The following NRXN1 variants were observed in gnomAD, a reference collection of about 807,000 sequenced individuals.
NRXN1 encodes the protein neurexin-1.
NRXN1 carries 39 observed loss-of-function variants against 150.9 expected under a neutral mutation model. That is an observed-to-expected ratio of 0.26 (90% CI 0.20 to 0.34). NRXN1 has a LOEUF of 0.34. Ranked by LOEUF, NRXN1 falls within the 10% of genes least tolerant of loss-of-function variation. The pLI is 1.00. For missense variants in NRXN1, 1,815 were observed against 1,949.9 expected, an observed-to-expected ratio of 0.93 and a Z score of 1.30; for synonymous variants, 924 against 757.0, an observed-to-expected ratio of 1.22 and a Z score of -3.62.
In NRXN1 at chr2:50,900,769, C is replaced by A. The variant is rs141385624; in HGVS notation, c.832+21100G>T. Among the ~76,000 whole-genome samples, 742 of 152,154 alleles carry A rather than the reference C, an allele frequency of 4.9e-3. 5 individuals carry two copies. Among genetic ancestry groups the A allele is most frequent in the African/African-American group, 0.017 (707 of 41,506 alleles). ...GTTGTACAAGCCAGAGAGAGTGAAA[C>A]CTAACTAAGAGAAACCAGCTAAAGC... On this transcript the variant is annotated intron_variant, in intron 5 of 22. Coordinates refer to ENST00000401669, the MANE Select transcript of NRXN1 (RefSeq NM_001330078.2).
chr2:50,260,757 G>A (rs995184684), intron 17 of NRXN1, among the ~76,000 whole-genome samples: 4 of 150,104 alleles, frequency 2.7e-5, no homozygotes, highest in Admixed American at 6.7e-5. Flanking sequence ...AATCCAAGAT[G>A]TATGAAGAAC....
chr2:50,256,881 C>T (rs965124301), intron 17 of NRXN1, among the ~76,000 whole-genome samples: 1 of 151,978 alleles, frequency 6.6e-6, no homozygotes, highest in Non-Finnish European at 1.5e-5. Flanking sequence ...CTTCAGACTT[C>T]GAGATGGAAG....
intron 8 of NRXN1, among the ~76,000 whole-genome samples, chr2:50,566,409 A>ATTT (rs35437819): frequency 0.031 from 3,973 of 129,970 alleles, 226 homozygotes; most frequent in African/African-American, 0.11. Context: ...ACGCCCAGCT[A>ATTT]TTTTTTTTTT....
intron 5 of NRXN1, among the ~76,000 whole-genome samples, chr2:50,914,557 C>T (rs1179285565): frequency 4.0e-5 from 6 of 151,496 alleles, no homozygotes; most frequent in Admixed American, 6.6e-5. Flanking sequence ...AACCTTTGAC[C>T]ATCAGTGGTT....
intron 8 of NRXN1, among the ~76,000 whole-genome samples, chr2:50,558,605 AGAT>A (rs1407009393): frequency 1.3e-5 from 2 of 152,190 alleles, no homozygotes; most frequent in Admixed American, 1.3e-4. Context: ...TCTGTTTCCA[AGAT>A]GATATTGTAG....
intron 5 of NRXN1, among the ~76,000 whole-genome samples, chr2:50,694,178 C>T (rs1190604936): frequency 3.3e-5 from 5 of 152,020 alleles, no homozygotes; most frequent in Non-Finnish European, 7.4e-5. Flanking sequence ...TAATGGGTAC[C>T]AAATAGAAAC....
intron 8 of NRXN1, among the ~76,000 whole-genome samples, chr2:50,598,952 A>T (rs1675786261): frequency 6.6e-6 from 1 of 151,650 alleles, no homozygotes; most frequent in African/African-American, 2.4e-5. Flanking sequence ...TTGTACTTTT[A>T]GCAGAGACAG....
intron 21 of NRXN1, among the ~76,000 whole-genome samples, chr2:49,992,478 G>T (rs1052288801): frequency 1.3e-5 from 2 of 152,034 alleles, no homozygotes; most frequent in Non-Finnish European, 2.9e-5. Context: ...TAGTCGGGAG[G>T]CTGAGGCAGG....
At chr2:50,028,588 G>A (rs916086571) in intron 21 of NRXN1, among the ~76,000 whole-genome samples, 1 of 152,142 alleles carries the variant, frequency 6.6e-6, no homozygotes, top group African/African-American at 2.4e-5. Context: ...ATCTGGATAG[G>A]CAATCTCTCA....
chr2:50,257,387 A>G (rs1033363428), intron 17 of NRXN1, among the ~76,000 whole-genome samples: 9 of 152,122 alleles, frequency 5.9e-5, no homozygotes, highest in Admixed American at 5.9e-4. Flanking sequence ...TATGAAACAA[A>G]GTTAAAATAA....
intron 21 of NRXN1, among the ~76,000 whole-genome samples, chr2:50,021,460 G>T (rs1469389559): frequency 6.6e-6 from 1 of 152,116 alleles, no homozygotes; most frequent in Admixed American, 6.6e-5. Context: ...AATTATCTTG[G>T]ACAAAGAGAA....
chr2:50,883,358 T>C (rs936800241), intron 5 of NRXN1, among the ~76,000 whole-genome samples: 11 of 151,848 alleles, frequency 7.2e-5, no homozygotes, highest in African/African-American at 2.2e-4. Context: ...CTTTTGTTAA[T>C]TGAAGTTTTT....
chr2:50,688,199 A>G lies in NRXN1; in HGVS notation c.833-64584T>C, dbSNP rs548465910. On this transcript the variant is annotated intron_variant, in intron 5 of 22. Transcript: ENST00000401669. ...ATGCACAAATCAGAACCCTAACCCA[A>G]CGTTTCTTTTCCTGAGACTAATGCT... 1.7e-3 allele frequency among the ~76,000 whole-genome samples: 254 copies of G among 152,114 alleles called. 3 individuals are homozygous for G. The Middle Eastern group carries it at 0.031, about 18-fold the overall frequency.
chr2:50,086,731 G>T (rs985607073), intron 19 of NRXN1, among the ~76,000 whole-genome samples: 7 of 151,650 alleles, frequency 4.6e-5, no homozygotes, highest in African/African-American at 4.8e-5. Context: ...CATTTCATTG[G>T]TACCTAATGC....
intron 5 of NRXN1, among the ~76,000 whole-genome samples, chr2:50,858,147 T>C (rs1432004243): frequency 2.0e-5 from 3 of 152,082 alleles, no homozygotes; most frequent in Non-Finnish European, 4.4e-5. Context: ...TGCTTCATTG[T>C]TTGTGCATAA....
intron 17 of NRXN1, among the ~76,000 whole-genome samples, chr2:50,430,255 C>T (rs561614368): frequency 1.3e-5 from 2 of 152,142 alleles, no homozygotes; most frequent in South Asian, 2.1e-4. Flanking sequence ...GTCTTATGTT[C>T]CTGGGGTAGG....
chr2:50,046,985 T>C (rs1203904763), intron 21 of NRXN1, among the ~76,000 whole-genome samples: 1 of 152,184 alleles, frequency 6.6e-6, no homozygotes, highest in African/African-American at 2.4e-5. Context: ...TGGTTCCCAT[T>C]TCTGAGGGCT....
chr2:50,447,857 G>C (rs2086600337), intron 17 of NRXN1, among the ~76,000 whole-genome samples: 1 of 147,112 alleles, frequency 6.8e-6, no homozygotes, highest in Non-Finnish European at 1.5e-5. Flanking sequence ...AAATGAAATA[G>C]AGAACTTCAC....
At chr2:50,400,418 C>T (rs532659986) in intron 17 of NRXN1, among the ~76,000 whole-genome samples, 17 of 152,062 alleles carry the variant, frequency 1.1e-4, no homozygotes, top group African/African-American at 3.6e-4. Flanking sequence ...TCTTCAGAAA[C>T]GCCGTTGCTC....
Sources: allele counts gnomAD v4.1 joint callset (sites outside exome capture counted in the v4.1 genomes callset), GRCh38; gene constraint gnomAD v4.1.1; transcripts MANE v1.5; gene names NCBI Gene and HGNC (gene_info 2026-07-23, HGNC 2026-07-21).